Variants in ME1 observed in about 807,000 individuals in gnomAD.
ME1 encodes malic enzyme 1.
A neutral mutation model predicts 66.4 loss-of-function variants in ME1; 74 were observed. The ratio of observed to expected loss-of-function variants is 1.11; its 90% CI spans 0.92 to 1.35. The LOEUF is 1.35. ME1 is among the 40% of genes most tolerant of loss of function. ME1 has a pLI of 0.00. For missense variants in ME1, 750 were observed against 694.1 expected (o/e 1.08, Z -0.90); for synonymous variants, 251 against 235.6 (o/e 1.07, Z -0.60).
chr6:83,227,086 C>T (rs936983023), intron 11 of ME1, among the ~76,000 whole-genome samples: 1 of 102,718 alleles, frequency 9.7e-6, no homozygotes, highest in African/African-American at 5.9e-5. Context: ...TCTTAGATAT[C>T]TATTTCCAAA....
chr6:83,362,100 G>A (rs1373263287), intron 3 of ME1, among the ~76,000 whole-genome samples: 1 of 152,220 alleles, frequency 6.6e-6, no homozygotes, highest in African/African-American at 2.4e-5. Flanking sequence ...GGACATCCCT[G>A]AAGGACAGCA....
intron 3 of ME1, among the ~76,000 whole-genome samples, chr6:83,374,302 T>G (rs563332693): frequency 2.6e-5 from 4 of 152,178 alleles, no homozygotes; most frequent in Non-Finnish European, 4.4e-5. Flanking sequence ...TTCTGACAGG[T>G]GTGAGGTAGT....
chr6:83,370,391 G>A (rs1025539999), intron 3 of ME1, among the ~76,000 whole-genome samples: 10 of 152,112 alleles, frequency 6.6e-5, no homozygotes, highest in African/African-American at 2.4e-4. Flanking sequence ...CAGTAAAGAA[G>A]GTGGCAAAGG....
At chr6:83,234,991 G>T (rs1255258066) in intron 9 of ME1, among the ~76,000 whole-genome samples, 1 of 152,166 alleles carries the variant, frequency 6.6e-6, no homozygotes, top group Non-Finnish European at 1.5e-5. Context: ...GATCTAAAGA[G>T]ATGAAAGGCA....
intron 3 of ME1, chr6:83,392,476 G>T (rs576684374): frequency 1.9e-6 from 1 of 513,948 alleles, no homozygotes; most frequent in Non-Finnish European, 3.8e-6. Flanking sequence ...GGTCACCAGG[G>T]CTGCTTTAAA....
intron 6 of ME1, among the ~76,000 whole-genome samples, chr6:83,297,288 C>T (rs766988671): frequency 1.4e-4 from 21 of 152,192 alleles, no homozygotes; most frequent in Non-Finnish European, 2.2e-4. Context: ...AACTACAAAA[C>T]ACTGCGGAAG....
chr6:83,321,655 G>A (rs1016842707), intron 5 of ME1, among the ~76,000 whole-genome samples: 25 of 152,122 alleles, frequency 1.6e-4, no homozygotes, highest in African/African-American at 6.0e-4. Context: ...CCCCAGTCAG[G>A]GTCTTATAGA....
rs925238246 is a variant in ME1 at position 83,384,357 on chromosome 6, A to G, written c.362+14010T>C. On this transcript the variant is annotated intron_variant, in intron 3 of 13. Transcript: ENST00000369705. ...TGATTTTTTTTAACTTTTTAATAAT[A>G]GTCATTGTGACTGGTGTGAGATGGT... Among the ~76,000 whole-genome samples the G allele has an allele frequency of 2.8e-4, 42 of 151,964 alleles. 3 individuals are homozygous for G. Among genetic ancestry groups the G allele is most frequent in the African/African-American group, 9.9e-4 (41 of 41,378 alleles).
At chr6:83,380,554 G>A (rs1769376819) in intron 3 of ME1, among the ~76,000 whole-genome samples, 1 of 152,008 alleles carries the variant, frequency 6.6e-6, no homozygotes, top group South Asian at 2.1e-4. Flanking sequence ...ATAATTAAGG[G>A]ATACAATTTC....
At chr6:83,243,395 TATAATATATTATATAATTA>T in intron 7 of ME1, among the ~76,000 whole-genome samples, 2 of 60,116 alleles carry the variant, frequency 3.3e-5, no homozygotes, top group African/African-American at 1.1e-4. Context: ...TATATATTTA[TATAATATATTATATAATTA>T]GATTATATTT....
At chr6:83,277,986 A>G (rs1259488715) in intron 6 of ME1, among the ~76,000 whole-genome samples, 1 of 151,792 alleles carries the variant, frequency 6.6e-6, no homozygotes, top group Non-Finnish European at 1.5e-5. Flanking sequence ...ACCTCCTGCC[A>G]TTTGAACCCT....
At chr6:83,319,665 AG>A (rs1768115352) in intron 5 of ME1, among the ~76,000 whole-genome samples, 1 of 152,246 alleles carries the variant, frequency 6.6e-6, no homozygotes, top group Non-Finnish European at 1.5e-5. Flanking sequence ...GACACAGCCA[AG>A]AACCCAGAAG....
intron 5 of ME1, among the ~76,000 whole-genome samples, chr6:83,317,337 C>T (rs1460420896): frequency 6.6e-6 from 1 of 151,916 alleles, no homozygotes; most frequent in Non-Finnish European, 1.5e-5. Context: ...TCTTTTATTT[C>T]CTTGAGCAGT....
intron 6 of ME1, 38 bp downstream of exon 6, chr6:83,315,272 G>A (rs1359820247): frequency 3.2e-6 from 4 of 1,233,678 alleles, no homozygotes; most frequent in African/African-American, 3.0e-5. Flanking sequence ...TTATGTTATT[G>A]TTACTGACTA....
chr6:83,294,346 A>T (rs908928693), intron 6 of ME1, among the ~76,000 whole-genome samples: 1 of 152,204 alleles, frequency 6.6e-6, no homozygotes, highest in Non-Finnish European at 1.5e-5. Flanking sequence ...CATCTCTGAC[A>T]TTCCAACTCT....
chr6:83,247,610 A>G (rs1315942266), intron 7 of ME1, among the ~76,000 whole-genome samples: 3 of 152,120 alleles, frequency 2.0e-5, no homozygotes, highest in African/African-American at 7.2e-5. Flanking sequence ...ATGGTTAGAT[A>G]ATTATTTTTG....
chr6:83,244,026 G>A (rs1342781224), intron 7 of ME1, among the ~76,000 whole-genome samples: 1 of 150,674 alleles, frequency 6.6e-6, no homozygotes, highest in African/African-American at 2.4e-5. Context: ...TGGAGTATAA[G>A]ACACCAGGCA....
intron 1 of ME1, among the ~76,000 whole-genome samples, chr6:83,411,178 A>G (rs1269617609): frequency 3.9e-5 from 6 of 152,226 alleles, no homozygotes; most frequent in Non-Finnish European, 2.9e-5. Flanking sequence ...AGCCTGGCCA[A>G]TATGGTGAAA....
chr6:83,289,363 C>T (rs1583359369), intron 6 of ME1, among the ~76,000 whole-genome samples: 1 of 152,186 alleles, frequency 6.6e-6, no homozygotes, highest in East Asian at 1.9e-4. Context: ...GCATGAAAGG[C>T]TGTTGAATAT....
Sources: allele counts gnomAD v4.1 joint callset (sites outside exome capture counted in the v4.1 genomes callset), GRCh38; gene constraint gnomAD v4.1.1; transcripts MANE v1.5; gene names NCBI Gene and HGNC (gene_info 2026-07-23, HGNC 2026-07-21).